PCDHA9: variants seen among roughly 807,000 people sequenced by gnomAD.
PCDHA9 encodes protocadherin alpha 9, also known as protocadherin alpha-9.
A neutral mutation model predicts 62.0 loss-of-function variants in PCDHA9; 62 were observed. The ratio of observed to expected loss-of-function variants is 1.00; its 90% CI spans 0.81 to 1.23. The LOEUF (loss-of-function observed/expected upper bound fraction) is 1.23, where lower values mean the gene tolerates loss of function less well. Ranked by LOEUF, PCDHA9 falls within the 50% of genes most tolerant of loss-of-function variation. PCDHA9 has a pLI of 0.00. For missense variants in PCDHA9, 1,205 were observed against 1,249.8 expected (o/e 0.96, Z 0.54); for synonymous variants, 557 against 567.6 (o/e 0.98, Z 0.27).
At chr5:140,856,023 G>A in intron 1 of PCDHA9, 2 of 1,556,224 alleles carry the variant, frequency 1.3e-6, no homozygotes, top group Non-Finnish European at 8.7e-7. Context: ...CTGATTCGTC[G>A]ATTTGTAAAA....
At chr5:140,851,673 T>C (rs2042127540) in intron 1 of PCDHA9, 1 of 917,738 alleles carries the variant, frequency 1.1e-6, no homozygotes, top group Non-Finnish European at 1.3e-6. Flanking sequence ...TAATTGAAAT[T>C]TTCTCCATTC....
chr5:140,912,878 T>C (rs2076104558), intron 1 of PCDHA9, among the ~76,000 whole-genome samples: 1 of 152,236 alleles, frequency 6.6e-6, no homozygotes, highest in Non-Finnish European at 1.5e-5. Flanking sequence ...GTTTTTGGTC[T>C]TCATTCTGTT....
Position 140,954,691 on chromosome 5 carries a change from A to G in PCDHA9, c.2395-24258A>G, listed in dbSNP as rs561318179. Among the ~76,000 whole-genome samples the G allele has an allele frequency of 9.2e-5, 14 of 152,162 alleles. No homozygotes were observed. The East Asian group carries it at 2.5e-3, about 27-fold the overall frequency. ...TATTAGACTTTTGTCAGATGGATAG[A>G]CTACAAAATTTTTCTCCCATTCTGT... On this transcript the variant is annotated intron_variant, in intron 1 of 3. Coordinates refer to ENST00000532602, the MANE Select transcript of PCDHA9 (RefSeq NM_031857.2).
At chr5:140,851,005 T>C in intron 1 of PCDHA9, 116 bp downstream of exon 1, 1 of 1,432,862 alleles carries the variant, frequency 7.0e-7, no homozygotes, top group Non-Finnish European at 9.2e-7. Flanking sequence ...ATCCAGCAGA[T>C]TTTTTTTCTG....
At position 140,886,151 on chromosome 5, in the gene PCDHA9, T is replaced by G. The variant is rs184205776; in HGVS notation, c.2394+35262T>G. Reference sequence around the variant, plus strand: ...ACAACCAGATTCTTGATATCACCTTTTTATAGCCACATCTGCTTCCCTGCC... The same window carrying G: ...ACAACCAGATTCTTGATATCACCTTGTTATAGCCACATCTGCTTCCCTGCC... On this transcript the variant is annotated intron_variant, in intron 1 of 3. Coordinates refer to ENST00000532602, the MANE Select transcript of PCDHA9 (RefSeq NM_031857.2). Among the ~76,000 whole-genome samples, 468 of 152,312 alleles carry G rather than the reference T, an allele frequency of 3.1e-3. 3 individuals are homozygous for G. Among genetic ancestry groups the G allele is most frequent in the Middle Eastern group, 0.014 (4 of 294 alleles).
At chr5:140,909,378 C>T (rs544117185) in intron 1 of PCDHA9, among the ~76,000 whole-genome samples, 1 of 152,264 alleles carries the variant, frequency 6.6e-6, no homozygotes, top group Admixed American at 6.5e-5. Context: ...GCAATGAAAC[C>T]ACATCTAGTA....
intron 1 of PCDHA9, among the ~76,000 whole-genome samples, chr5:140,952,530 A>C (rs246033): frequency 0.56 from 85,631 of 151,920 alleles, 24,768 homozygotes; most frequent in African/African-American, 0.69. Flanking sequence ...ACCTCCTCAG[A>C]CTGGACTTCT....
chr5:140,863,748 C>G (rs1221413981), intron 1 of PCDHA9: 1 of 241,166 alleles, frequency 4.1e-6, no homozygotes, highest in Non-Finnish European at 8.2e-6. Flanking sequence ...TTTGTAATCC[C>G]GGCACTTTGG....
At chr5:140,872,960 C>T (rs953236645) in intron 1 of PCDHA9, among the ~76,000 whole-genome samples, 10 of 152,142 alleles carry the variant, frequency 6.6e-5, no homozygotes, top group African/African-American at 2.4e-4. Context: ...GTAGTATCAT[C>T]CCATCTGAAG....
At chr5:140,922,150 T>C (rs999486530) in intron 1 of PCDHA9, among the ~76,000 whole-genome samples, 5 of 151,298 alleles carry the variant, frequency 3.3e-5, no homozygotes, top group African/African-American at 1.2e-4. Flanking sequence ...ATGAAACTCA[T>C]CAAAAACAAC....
At chr5:140,873,221 G>A (rs2054166323) in intron 1 of PCDHA9, among the ~76,000 whole-genome samples, 1 of 151,940 alleles carries the variant, frequency 6.6e-6, no homozygotes, top group African/African-American at 2.4e-5. Context: ...TTAAAGAGAA[G>A]GCAACAATAT....
chr5:140,883,356 C>T (rs147755059), intron 1 of PCDHA9: 31 of 1,614,190 alleles, frequency 1.9e-5, no homozygotes, highest in Non-Finnish European at 2.3e-5. Flanking sequence ...AGAGAAGACA[C>T]TCAGCCTAGC....
chr5:140,898,228 C>T (rs1302111875), intron 1 of PCDHA9, among the ~76,000 whole-genome samples: 1 of 152,118 alleles, frequency 6.6e-6, no homozygotes, highest in Non-Finnish European at 1.5e-5. Flanking sequence ...CTTTTGTTGC[C>T]ATTGCTTTTG....
intron 1 of PCDHA9, among the ~76,000 whole-genome samples, chr5:140,890,239 C>G (rs1398307605): frequency 6.6e-6 from 1 of 151,982 alleles, no homozygotes; most frequent in African/African-American, 2.4e-5. Context: ...AAGCATTTAC[C>G]AGTACACTAC....
chr5:140,869,541 G>A (rs1554163213), intron 1 of PCDHA9: 1 of 1,614,204 alleles, frequency 6.2e-7, no homozygotes, highest in East Asian at 2.2e-5. Flanking sequence ...CGGAATCTAA[G>A]CAATCGGACT....
At chr5:140,937,944 G>T (rs2091858064) in intron 1 of PCDHA9, among the ~76,000 whole-genome samples, 1 of 151,532 alleles carries the variant, frequency 6.6e-6, no homozygotes. Flanking sequence ...TTTGATAATT[G>T]GCTTTTGTTG....
rs112292443 is a variant in PCDHA9 at position 140,899,661 on chromosome 5, C to T, written c.2394+48772C>T. Among the ~76,000 whole-genome samples the T allele has an allele frequency of 4.4e-3, 665 of 152,224 alleles. 7 individuals carry two copies. Among genetic ancestry groups the T allele is most frequent in the African/African-American group, 0.015 (620 of 41,530 alleles). ...ATTCTCTTATTTGGTTGTGTCTCTGCCCGGCTTTGGTATCAGGATGATGCT... is the reference window on the plus strand; with the variant it reads ...ATTCTCTTATTTGGTTGTGTCTCTGTCCGGCTTTGGTATCAGGATGATGCT... On this transcript the variant is annotated intron_variant, in intron 1 of 3. Transcript: ENST00000532602.
At chr5:140,883,834 G>A (rs891069385) in intron 1 of PCDHA9, 1 of 1,612,658 alleles carries the variant, frequency 6.2e-7, no homozygotes, top group Non-Finnish European at 8.5e-7. Context: ...CGCTGCAGCC[G>A]TTGGACCACG....
chr5:140,857,434 C>T (rs987628518), intron 1 of PCDHA9: 2 of 1,598,440 alleles, frequency 1.3e-6, no homozygotes, highest in Non-Finnish European at 1.7e-6. Context: ...ACACGGTGTT[C>T]GTGAAGGAGA....
Sources: allele counts gnomAD v4.1 joint callset (sites outside exome capture counted in the v4.1 genomes callset), GRCh38; gene constraint gnomAD v4.1.1; transcripts MANE v1.5; gene names NCBI Gene and HGNC (gene_info 2026-07-23, HGNC 2026-07-21).